NOL4: variants seen among roughly 807,000 people sequenced by gnomAD.
NOL4 encodes the protein cancer/testis antigen 125.
NOL4 carries 17 observed loss-of-function variants against 75.9 expected under a neutral mutation model. The ratio of observed to expected loss-of-function variants is 0.22; its 90% CI spans 0.15 to 0.34. NOL4 has a LOEUF of 0.34. NOL4 is among the 10% of genes least tolerant of loss of function. NOL4 has a pLI of 1.00. For synonymous variants in NOL4, 292 were observed against 289.9 expected (o/e 1.01, Z -0.07); for missense variants, 614 against 793.5 (o/e 0.77, Z 2.72).
chr18:34,091,882 G>A (rs1010023083), intron 5 of NOL4, among the ~76,000 whole-genome samples: 1 of 152,048 alleles, frequency 6.6e-6, no homozygotes, highest in Admixed American at 6.6e-5. Flanking sequence ...TTCCCTAAGA[G>A]TATATAATAT....
chr18:33,903,670 T>C (rs2065869405), intron 9 of NOL4, among the ~76,000 whole-genome samples: 1 of 152,202 alleles, frequency 6.6e-6, no homozygotes, highest in East Asian at 1.9e-4. Flanking sequence ...TGCCTCTATC[T>C]ATATCCTTGA....
chr18:33,914,490 TG>T (rs1326238288), intron 9 of NOL4, among the ~76,000 whole-genome samples: 1 of 152,062 alleles, frequency 6.6e-6, no homozygotes, highest in Non-Finnish European at 1.5e-5. Context: ...TGACATAAAC[TG>T]AAATTTTTTA....
At chr18:34,128,544 A>G (rs928738315) in intron 2 of NOL4, among the ~76,000 whole-genome samples, 4 of 151,938 alleles carry the variant, frequency 2.6e-5, no homozygotes, top group Non-Finnish European at 5.9e-5. Flanking sequence ...CTATATAAAA[A>G]TATCCCAAGA....
intron 9 of NOL4, among the ~76,000 whole-genome samples, chr18:33,904,037 C>G (rs1364416056): frequency 6.6e-6 from 1 of 152,106 alleles, no homozygotes; most frequent in Non-Finnish European, 1.5e-5. Flanking sequence ...ACACATAAAA[C>G]TTATAGATAA....
At chr18:34,180,154 C>T (rs2033914481) in intron 1 of NOL4, among the ~76,000 whole-genome samples, 1 of 151,414 alleles carries the variant, frequency 6.6e-6, no homozygotes, top group Non-Finnish European at 1.5e-5. Context: ...AAGTATTAGC[C>T]TTATCCCAAA....
rs77343317 is a variant in NOL4 at position 34,121,784 on chromosome 18, T to C, written c.414+8087A>G. Among the ~76,000 whole-genome samples, 1,286 of 152,268 alleles carry C rather than the reference T, an allele frequency of 8.4e-3. 4 individuals are homozygous for C. Among genetic ancestry groups the C allele is most frequent in the Middle Eastern group, 0.034 (10 of 294 alleles). On this transcript the variant is annotated intron_variant, in intron 2 of 10. Coordinates refer to ENST00000261592, the MANE Select transcript of NOL4 (RefSeq NM_003787.5). ...ATAAAATGTCTCTCAACTGGGAGTG[T>C]TTACTGTTCTCACTAGGTGACTTTT... is the stretch of plus-strand genomic sequence containing the variant.
At chr18:34,220,839 T>C (rs1406708889) in intron 1 of NOL4, among the ~76,000 whole-genome samples, 5 of 152,284 alleles carry the variant, frequency 3.3e-5, no homozygotes, top group Admixed American at 2.6e-4. Flanking sequence ...CTCCCATAAA[T>C]ATATGGAATC....
chr18:33,920,656 AC>A (rs1312308679), intron 9 of NOL4, among the ~76,000 whole-genome samples: 1 of 152,182 alleles, frequency 6.6e-6, no homozygotes, highest in African/African-American at 2.4e-5. Flanking sequence ...GGTCCAATCA[AC>A]CATTTTAGTA....
At chr18:34,071,438 GACAC>G (rs61428886) in intron 5 of NOL4, among the ~76,000 whole-genome samples, 41 of 147,798 alleles carry the variant, frequency 2.8e-4, no homozygotes, top group Admixed American at 7.5e-4. Flanking sequence ...CAGACAGACA[GACAC>G]ACACACACAC....
At chr18:33,950,837 A>G (rs1038185216) in intron 8 of NOL4, among the ~76,000 whole-genome samples, 1 of 152,162 alleles carries the variant, frequency 6.6e-6, no homozygotes, top group Non-Finnish European at 1.5e-5. Flanking sequence ...AGGAAAGGGA[A>G]CTGTGAAATT....
At chr18:34,064,174 T>A (rs1297608035) in intron 5 of NOL4, among the ~76,000 whole-genome samples, 1 of 152,028 alleles carries the variant, frequency 6.6e-6, no homozygotes, top group Non-Finnish European at 1.5e-5. Flanking sequence ...TGAGCATTAT[T>A]GAAAGATAGA....
intron 1 of NOL4, among the ~76,000 whole-genome samples, chr18:34,179,724 A>C (rs2146321666): frequency 6.6e-6 from 1 of 151,768 alleles, no homozygotes; most frequent in East Asian, 1.9e-4. Context: ...TTGTGAAGGT[A>C]TTAGGATGGG....
chr18:33,911,923 T>C lies in NOL4; in HGVS notation c.1543-28499A>G, dbSNP rs574321603. On this transcript the variant is annotated intron_variant, in intron 9 of 10. Transcript: ENST00000261592. The stretch of plus-strand genomic sequence containing the variant: ...TCCTGAGTTTAGACCTTTTTGCCTT[T>C]ATTTCACTACATAATGAACCCTCCA... Among the ~76,000 whole-genome samples, 4 of 152,282 alleles carry C rather than the reference T, an allele frequency of 2.6e-5. No homozygotes were observed. The South Asian group carries it at 8.3e-4, about 32-fold the overall frequency.
chr18:34,135,538 A>C (rs1480685669), intron 1 of NOL4, among the ~76,000 whole-genome samples: 2 of 151,866 alleles, frequency 1.3e-5, no homozygotes, highest in Admixed American at 1.3e-4. Context: ...TCTACTAAAA[A>C]TACAAAAAAT....
chr18:33,864,619 C>T (rs1255212966), intron 10 of NOL4, among the ~76,000 whole-genome samples: 1 of 152,140 alleles, frequency 6.6e-6, no homozygotes, highest in Non-Finnish European at 1.5e-5. Context: ...CAAACTGTTC[C>T]AACTGCTGCC....
chr18:33,970,573 G>T (rs989255894), intron 6 of NOL4, among the ~76,000 whole-genome samples: 1 of 152,038 alleles, frequency 6.6e-6, no homozygotes, highest in Non-Finnish European at 1.5e-5. Flanking sequence ...AAATAATAAG[G>T]CCTATACTTT....
At chr18:34,183,068 G>C (rs560234915) in intron 1 of NOL4, among the ~76,000 whole-genome samples, 1 of 151,820 alleles carries the variant, frequency 6.6e-6, no homozygotes, top group South Asian at 2.1e-4. Context: ...TATTAACAAA[G>C]AAGAAACTTC....
At chr18:33,880,958 A>T (rs1194724268) in intron 10 of NOL4, among the ~76,000 whole-genome samples, 1 of 152,036 alleles carries the variant, frequency 6.6e-6, no homozygotes, top group Non-Finnish European at 1.5e-5. Context: ...TTAATAGCAG[A>T]TTCTCACGGA....
chr18:34,132,702 C>T lies in NOL4; in HGVS notation c.265-2682G>A, dbSNP rs1339767280. ...AACTGGAAGAAATATATTTAATGAG[C>T]TTAGAGCTCAACAAACCCAAAGTTT... On this transcript the variant is annotated intron_variant, in intron 1 of 10. Coordinates refer to ENST00000261592, the MANE Select transcript of NOL4 (RefSeq NM_003787.5). Among the ~76,000 whole-genome samples, 8 of 148,008 alleles carry T rather than the reference C, an allele frequency of 5.4e-5. No individual in the cohort carries two copies. In the South Asian group the frequency reaches 8.5e-4, roughly 16 times the overall value.
Sources: gnomAD v4.1 joint callset for allele counts (sites outside exome capture counted in the v4.1 genomes callset) on GRCh38, gnomAD v4.1.1 for gene constraint, MANE v1.5 for transcripts, NCBI Gene and HGNC (gene_info 2026-07-23, HGNC 2026-07-21) for gene names.